RAB27B: variants seen among roughly 807,000 people sequenced by gnomAD.
RAB27B encodes ras-related protein Rab-27B.
Under a neutral mutation model 24.6 loss-of-function variants are expected in RAB27B, and 15 were observed. The observed-to-expected ratio is 0.61, with a 90% CI of 0.41 to 0.94. The LOEUF (loss-of-function observed/expected upper bound fraction) is 0.94, where lower values mean the gene tolerates loss of function less well. RAB27B is among the 40% of genes least tolerant of loss of function. The pLI, the probability that RAB27B is intolerant of heterozygous loss-of-function variation, is 0.00. For synonymous variants in RAB27B, 105 were observed against 92.5 expected, an observed-to-expected ratio of 1.14 and a Z score of -0.78; for missense variants, 261 against 266.8, an observed-to-expected ratio of 0.98 and a Z score of 0.15.
chr18:54,738,523 A>G (rs1325184541), intron 2 of RAB27B, among the ~76,000 whole-genome samples: 3 of 152,038 alleles, frequency 2.0e-5, no homozygotes, highest in African/African-American at 7.2e-5. Flanking sequence ...CCCTTCCACC[A>G]TGATTGTAAG....
intron 2 of RAB27B, among the ~76,000 whole-genome samples, chr18:54,798,223 G>A (rs1017582953): frequency 6.6e-6 from 1 of 152,134 alleles, no homozygotes; most frequent in Non-Finnish European, 1.5e-5. Flanking sequence ...GCCATCCACC[G>A]TAGTGGGACT....
chr18:54,873,181 A>G (rs2145262138), intron 1 of RAB27B, among the ~76,000 whole-genome samples: 1 of 152,312 alleles, frequency 6.6e-6, no homozygotes, highest in African/African-American at 2.4e-5. Context: ...CTCATCCAAA[A>G]ACTGAGGGGC....
intron 1 of RAB27B, among the ~76,000 whole-genome samples, chr18:54,860,191 C>A (rs190958718): frequency 5.3e-5 from 8 of 152,034 alleles, no homozygotes; most frequent in African/African-American, 1.7e-4. Flanking sequence ...TACATACTCG[C>A]GACTGCAGAT....
At chr18:54,846,280 T>C (rs867017490) in intron 1 of RAB27B, among the ~76,000 whole-genome samples, 23 of 152,208 alleles carry the variant, frequency 1.5e-4, no homozygotes, top group Non-Finnish European at 2.9e-4. Context: ...TGAAAGCACA[T>C]AGAAAACAAG....
chr18:54,786,215 C>G (rs753418965), intron 2 of RAB27B, among the ~76,000 whole-genome samples: 1 of 152,120 alleles, frequency 6.6e-6, no homozygotes. Context: ...TATGAAAATT[C>G]TTTCCTTGAG....
intron 1 of RAB27B, among the ~76,000 whole-genome samples, chr18:54,873,645 A>G (rs1208715520): frequency 6.6e-6 from 1 of 151,890 alleles, no homozygotes; most frequent in East Asian, 1.9e-4. Flanking sequence ...TAGGACTCAA[A>G]AAAATCACAT....
intron 2 of RAB27B, among the ~76,000 whole-genome samples, 194 bp from the exon 3 acceptor site, chr18:54,879,175 A>G (rs1034529435): frequency 2.0e-5 from 3 of 152,166 alleles, no homozygotes; most frequent in African/African-American, 7.2e-5. Context: ...ACTGTGTTGA[A>G]AATCATACTT....
chr18:54,738,359 A>T lies in RAB27B; in HGVS notation c.-20+20218A>T, dbSNP rs1909965811. 5.9e-5 allele frequency among the ~76,000 whole-genome samples: 9 copies of T among 152,136 alleles called. No homozygotes were observed. In the South Asian group the frequency reaches 1.9e-3, roughly 32 times the overall value. ...ATAATCCCCATGTATTGAGGGAGGG[A>T]TCTGGTGGGAGGTGACTGGATCATG... On this transcript the variant is annotated intron_variant, in intron 2 of 4. Coordinates refer to the RAB27B transcript ENST00000586570.
chr18:54,739,010 A>G (rs937110269), intron 2 of RAB27B, among the ~76,000 whole-genome samples: 9 of 152,068 alleles, frequency 5.9e-5, no homozygotes, highest in African/African-American at 2.2e-4. Flanking sequence ...CTGCAAGTTG[A>G]TTTGCCTTCT....
intron 2 of RAB27B, among the ~76,000 whole-genome samples, chr18:54,766,648 A>G (rs1182137058): frequency 6.6e-6 from 1 of 152,170 alleles, no homozygotes; most frequent in Non-Finnish European, 1.5e-5. Flanking sequence ...AATCTGTGAA[A>G]TATGCCTAAA....
intron 2 of RAB27B, among the ~76,000 whole-genome samples, chr18:54,797,267 C>G (rs1800859755): frequency 1.3e-5 from 2 of 152,152 alleles, no homozygotes; most frequent in African/African-American, 4.8e-5. Context: ...AGCTTATAGG[C>G]ACTCTTCTAG....
At chr18:54,727,039 A>G (rs1909561225) in intron 2 of RAB27B, among the ~76,000 whole-genome samples, 3 of 152,112 alleles carry the variant, frequency 2.0e-5, no homozygotes, top group Admixed American at 6.6e-5. Context: ...CTGGAGTGCA[A>G]TGGCACAATC....
chr18:54,801,503 T>G (rs565225478), intron 2 of RAB27B, among the ~76,000 whole-genome samples: 49 of 152,284 alleles, frequency 3.2e-4, no homozygotes, highest in African/African-American at 9.6e-4. Flanking sequence ...TGATGCCCTA[T>G]TGCTTCATGG....
chr18:54,734,196 G>T (rs567635442), intron 2 of RAB27B, among the ~76,000 whole-genome samples: 1 of 152,194 alleles, frequency 6.6e-6, no homozygotes, highest in East Asian at 1.9e-4. Flanking sequence ...TTGGATCTGA[G>T]GTCAGCGGTC....
At chr18:54,867,585 T>G (rs998962096) in intron 1 of RAB27B, among the ~76,000 whole-genome samples, 56 of 152,066 alleles carry the variant, frequency 3.7e-4, no homozygotes, top group African/African-American at 1.1e-3. Flanking sequence ...TAGCTGGGAT[T>G]ACAGGCGCGT....
chr18:54,811,876 T>A (rs1223728039), intron 2 of RAB27B, among the ~76,000 whole-genome samples: 1 of 152,216 alleles, frequency 6.6e-6, no homozygotes, highest in East Asian at 1.9e-4. Context: ...GGTCTTGAGA[T>A]GTATTTTTCT....
At chr18:54,769,055 T>G (rs918238592) in intron 2 of RAB27B, among the ~76,000 whole-genome samples, 4 of 152,120 alleles carry the variant, frequency 2.6e-5, no homozygotes, top group African/African-American at 9.7e-5. Flanking sequence ...AAGTCTTAAC[T>G]CATTGCAGCA....
In RAB27B at chr18:54,837,187, G is replaced by T. The variant is rs187122806; in HGVS notation, c.-20+8487G>T. Among the ~76,000 whole-genome samples the T allele has an allele frequency of 3.3e-5, 5 of 152,138 alleles. No homozygotes were observed. In the East Asian group the frequency reaches 9.7e-4, roughly 29 times the overall value. On this transcript the variant is annotated intron_variant, in intron 1 of 5. Coordinates refer to ENST00000262094, the MANE Select transcript of RAB27B (RefSeq NM_004163.4). ...TTAGTGGTTTGAAGGCAGTATTATG[G>T]TAATAAAGAGGAAGATAAATTTAAG...
chr18:54,814,245 A>C (rs985911690), intron 2 of RAB27B, among the ~76,000 whole-genome samples: 3 of 152,230 alleles, frequency 2.0e-5, no homozygotes, highest in Non-Finnish European at 4.4e-5. Context: ...TGTCACAGTT[A>C]CTATTCATCT....
Sources: gnomAD v4.1 joint callset for allele counts (sites outside exome capture counted in the v4.1 genomes callset) on GRCh38, gnomAD v4.1.1 for gene constraint, MANE v1.5 for transcripts, NCBI Gene and HGNC (gene_info 2026-07-23, HGNC 2026-07-21) for gene names.